The following SAMD4B variants were observed in gnomAD, a reference collection of about 807,000 sequenced individuals.
SAMD4B encodes protein Smaug homolog 2.
In SAMD4B, 5 loss-of-function variants were observed where a neutral mutation model predicts 74.5. The ratio of observed to expected loss-of-function variants is 0.07; its 90% CI spans 0.04 to 0.14. The LOEUF (loss-of-function observed/expected upper bound fraction) is 0.14, where lower values mean the gene tolerates loss of function less well. Ranked by LOEUF, SAMD4B falls within the 10% of genes least tolerant of loss-of-function variation. SAMD4B has a pLI of 1.00. For missense variants in SAMD4B, 608 were observed against 921.8 expected (o/e 0.66, Z 4.41); for synonymous variants, 373 against 374.9 (o/e 1.00, Z 0.06).
In SAMD4B at chr19:39,383,572, G is replaced by T; in HGVS notation, c.*45G>T. Reference sequence around the variant, plus strand: ...CACCCATAGGCTCCCTGGGCGGCGGGCGGGGGCCAACCCCCAACGGGCTTC... The same window carrying T: ...CACCCATAGGCTCCCTGGGCGGCGGTCGGGGGCCAACCCCCAACGGGCTTC... On this transcript the variant is annotated 3_prime_UTR_variant, in exon 14 of 14. Transcript: ENST00000610417. This position sits in a 1 kb window ranked among gnomAD's most constrained non-coding sequence, Gnocchi z 4.1. The T allele has an allele frequency of 6.2e-7, 1 of 1,614,212 alleles. No homozygotes were observed. The highest frequency in any genetic ancestry group is 8.5e-7 in the Non-Finnish European group (1 of 1,180,048).
downstream of SAMD4B, chr19:39,389,034 G>C (rs143267746): frequency 2.1e-4 from 333 of 1,613,878 alleles, 1 homozygote; most frequent in East Asian, 2.2e-3. The surrounding 1 kb of genome is among the most constrained non-coding windows in gnomAD (Gnocchi z 5.3). Flanking sequence ...ACAAAAACAA[G>C]GTGAGGAGGA....
At chr19:39,364,531 C>G (rs1353571627) in intron 3 of SAMD4B, among the ~76,000 whole-genome samples, 1 of 152,228 alleles carries the variant, frequency 6.6e-6, no homozygotes, top group African/African-American at 2.4e-5. Context: ...GTGTTTTTGA[C>G]TGGGGTGCAT....
At chr19:39,352,768 G>A (rs1568345338) in intron 1 of SAMD4B, among the ~76,000 whole-genome samples, 1 of 150,782 alleles carries the variant, frequency 6.6e-6, no homozygotes, top group East Asian at 2.0e-4. Context: ...GTGGAGGGGG[G>A]GAACAGTGCT....
At chr19:39,386,123 C>A, downstream of SAMD4B, 3 of 1,614,100 alleles carry the variant, frequency 1.9e-6, no homozygotes, top group Non-Finnish European at 2.5e-6. This position sits in a 1 kb window ranked among gnomAD's most constrained non-coding sequence, Gnocchi z 6.1. Flanking sequence ...GCTGGCCACC[C>A]CCATTGCTGC....
At position 39,377,566 on chromosome 19, in the gene SAMD4B, G is replaced by A; in HGVS notation, c.1186G>A (p.Val396Ile). The change falls in exon 8 of 14, where the codon GTC becomes ATC. Residue 396 changes from valine to isoleucine, a missense_variant. Around this residue, in one of 9 missense-constraint regions of SAMD4B, gnomAD observed 99 missense variants for 112.1 expected, o/e 0.88. Transcript: ENST00000610417. ...CATCACTCCCATCAAGGCCTACAGT[G>A]TCCTCCAGGCCACCGTGGCTGCCGC... is the stretch of plus-strand genomic sequence containing the variant. Reference protein sequence around the residue: ...IIITPIKAYSVLQATVAAATT... With the variant: ...IIITPIKAYSILQATVAAATT... The A allele has an allele frequency of 2.5e-6, 4 of 1,613,628 alleles. No homozygotes were observed. The highest frequency in any genetic ancestry group is 2.2e-5 in the South Asian group (2 of 90,990).
downstream of SAMD4B, chr19:39,386,177 GTCC>G (rs751173382): frequency 1.2e-5 from 19 of 1,614,044 alleles, no homozygotes; most frequent in Non-Finnish European, 1.5e-5. This position sits in a 1 kb window ranked among gnomAD's most constrained non-coding sequence, Gnocchi z 6.1. Flanking sequence ...CCTGTCCTCT[GTCC>G]TCATCATCAG....
rs1395630876 is a variant in SAMD4B, at chr19:39,376,588, C to G, written c.1017+42C>G. On this transcript the variant is annotated intron_variant, in intron 6 of 13. Transcript: ENST00000610417. ...CATCAGGGAGGTGCTGGGGGCAGCG[C>G]TAGTTTGGCATCCTTGCAGCCCAAG... 2.5e-6 allele frequency: 4 copies of G among 1,591,204 alleles called. No homozygotes were observed. In the East Asian group the frequency reaches 8.9e-5, roughly 36 times the overall value.
chr19:39,389,539 TAGA>T, downstream of SAMD4B: 1 of 1,614,168 alleles, frequency 6.2e-7, no homozygotes, highest in Non-Finnish European at 8.5e-7. This position sits in a 1 kb window ranked among gnomAD's most constrained non-coding sequence, Gnocchi z 5.3. Flanking sequence ...CAGCTGGATC[TAGA>T]AGAACTAGAG....
chr19:39,361,822 G>C (rs1373916008), intron 3 of SAMD4B, among the ~76,000 whole-genome samples: 1 of 151,974 alleles, frequency 6.6e-6, no homozygotes, highest in Non-Finnish European at 1.5e-5. Flanking sequence ...TACTCAGGAG[G>C]CTGAGGCAGG....
rs374977337 is a variant in SAMD4B at position 39,356,870 on chromosome 19, G to T, written c.-24G>T. ...CTGGCCCTCGCCACCGCCGTCCCCC[G>T]ACCCTGGCCCCAGGCCCGGCACCAT... On this transcript the variant is annotated 5_prime_UTR_variant, in exon 3 of 14. Transcript: ENST00000610417. The T allele has an allele frequency of 4.5e-5, 72 of 1,590,104 alleles. No homozygotes were observed. The African/African-American group carries it at 7.9e-4, about 17-fold the overall frequency.
In SAMD4B at chr19:39,378,352, T is replaced by C; in HGVS notation, c.1445-152T>C. On this transcript the variant is annotated intron_variant, in intron 8 of 13. Coordinates refer to ENST00000610417, the MANE Select transcript of SAMD4B (RefSeq NM_001384574.2). The surrounding 1 kb of genome is among the most constrained non-coding windows in gnomAD (Gnocchi z 4.4). Reference sequence around the variant, plus strand: ...TCAGGCACTATGTTGTATATCCTCATGATAACCCAAATACCATGGCTAGCA... The same window carrying C: ...TCAGGCACTATGTTGTATATCCTCACGATAACCCAAATACCATGGCTAGCA... 3.1e-6 allele frequency: 2 copies of C among 641,356 alleles called. No homozygotes were observed. The highest frequency in any genetic ancestry group is 2.7e-5 in the Admixed American group (1 of 37,058). 39.7% of individuals were successfully genotyped at this position (641,356 alleles called of 1,614,324 possible). A position where few individuals can be genotyped will look rare whatever the true frequency, so the allele number is the denominator to read the frequency against.
rs577170900 is a variant in SAMD4B at position 39,348,859 on chromosome 19, C to T, written c.-266-5147C>T. Among the ~76,000 whole-genome samples, 25 of 152,162 alleles carry T rather than the reference C, an allele frequency of 1.6e-4. 1 individual carries two copies. In the South Asian group the frequency reaches 2.3e-3, roughly 14 times the overall value. ...AGATATATTTTGGGTGTACAGAAAACAGGACTTGATGATGGGATTAGAGAA... is the reference window on the plus strand; with the variant it reads ...AGATATATTTTGGGTGTACAGAAAATAGGACTTGATGATGGGATTAGAGAA... On this transcript the variant is annotated intron_variant, in intron 1 of 13. Transcript: ENST00000610417.
At chr19:39,370,580 C>T (rs748866674) in intron 4 of SAMD4B, among the ~76,000 whole-genome samples, 2 of 152,150 alleles carry the variant, frequency 1.3e-5, no homozygotes, top group Non-Finnish European at 2.9e-5. Flanking sequence ...CTGATATATA[C>T]CTGGCCTCTA....
rs570049586 is a variant in SAMD4B, at chr19:39,380,133, T to G, written c.1649+49T>G. 194 of 1,429,382 alleles carry G rather than the reference T, an allele frequency of 1.4e-4. 2 individuals are homozygous for G. In the South Asian group the frequency reaches 2.1e-3, roughly 15 times the overall value. 88.5% of individuals were successfully genotyped at this position (1,429,382 alleles called of 1,614,324 possible). On this transcript the variant is annotated intron_variant, in intron 10 of 13. Transcript: ENST00000610417. ...GGACCTGCCCTCCATAGGCCTTTGCTGGTTAGCAGATCGTGCTTAGAGGGG... is the reference window on the plus strand; with the variant it reads ...GGACCTGCCCTCCATAGGCCTTTGCGGGTTAGCAGATCGTGCTTAGAGGGG...
In SAMD4B at chr19:39,356,726, C is replaced by A. The variant is rs368117873; in HGVS notation, c.-168C>A. 21 of 572,480 alleles carry A rather than the reference C, an allele frequency of 3.7e-5. No individual in the cohort carries two copies. Among genetic ancestry groups the A allele is most frequent in the South Asian group, 7.3e-5 (3 of 41,166 alleles). 35.5% of individuals were successfully genotyped at this position (572,480 alleles called of 1,614,324 possible). A position where few individuals can be genotyped will look rare whatever the true frequency, so the allele number is the denominator to read the frequency against. ...GCGTGGCTGGACCAAGACCTCCCCC[C>A]ATGTGAGCAGGCTTCCTCCTCCCCC... On this transcript the variant is annotated 5_prime_UTR_variant, in exon 3 of 14. Transcript: ENST00000610417.
chr19:39,389,390 T>C (rs1388410072), downstream of SAMD4B: 3 of 1,613,854 alleles, frequency 1.9e-6, no homozygotes, highest in Non-Finnish European at 2.5e-6. This position sits in a 1 kb window ranked among gnomAD's most constrained non-coding sequence, Gnocchi z 5.3. Context: ...GGATCTGGGG[T>C]GGGAAATCAG....
chr19:39,385,830 T>C (rs2078233497), downstream of SAMD4B: 1 of 1,075,722 alleles, frequency 9.3e-7, no homozygotes, highest in Non-Finnish European at 1.3e-6. Context: ...CTGAATGACA[T>C]CATAGGGGCT....
chr19:39,356,739 TTCC>T lies in SAMD4B; in HGVS notation c.-148_-146del. ...AAGACCTCCCCCCATGTGAGCAGGC[TTCC>T]TCCTCCCCCAACAACCGTTGCCACC... is the stretch of plus-strand genomic sequence containing the variant. On this transcript the variant is annotated 5_prime_UTR_variant, in exon 3 of 14. Coordinates refer to ENST00000610417, the MANE Select transcript of SAMD4B (RefSeq NM_001384574.2). The T allele has an allele frequency of 3.3e-6, 2 of 607,658 alleles. No homozygotes were observed. The highest frequency in any genetic ancestry group is 5.7e-6 in the Non-Finnish European group (2 of 350,038). The allele number at this position is 607,658 out of a possible 1,614,324, so 37.6% of individuals were successfully genotyped here. A position where few individuals can be genotyped will look rare whatever the true frequency, so the allele number is the denominator to read the frequency against.
downstream of SAMD4B, chr19:39,390,195 GCTGCCCCACCTCTGCTCCCAGCCCCA>G (rs749202738): frequency 1.2e-6 from 2 of 1,610,730 alleles, no homozygotes; most frequent in Non-Finnish European, 1.7e-6. Flanking sequence ...GTGGGCCCCC[GCTGCCCCACCTCTGCTCCCAGCCCCA>G]CTGCCCCACC....
Sources: allele counts gnomAD v4.1 joint callset (sites outside exome capture counted in the v4.1 genomes callset), GRCh38; gene constraint gnomAD v4.1.1; regional missense constraint gnomAD v4.1.1; non-coding constraint Gnocchi (gnomAD v3.1); transcripts MANE v1.5; gene names NCBI Gene and HGNC (gene_info 2026-07-23, HGNC 2026-07-21).